Variants in TIAM2 observed in about 807,000 individuals in gnomAD.
The protein encoded by TIAM2 is rho guanine nucleotide exchange factor TIAM2.
A neutral mutation model predicts 152.9 loss-of-function variants in TIAM2; 80 were observed. The ratio of observed to expected loss-of-function variants is 0.52; its 90% confidence interval spans 0.44 to 0.63. The LOEUF is 0.63. Ranked by LOEUF, TIAM2 falls within the 30% of genes least tolerant of loss-of-function variation. TIAM2 has a pLI of 0.00. For synonymous variants in TIAM2, 804 were observed against 838.0 expected (o/e 0.96, Z 0.70); for missense variants, 1,965 against 2,120.1 (o/e 0.93, Z 1.44).
intron 1 of TIAM2, among the ~76,000 whole-genome samples, chr6:155,042,475 C>A (rs534083433): frequency 3.0e-4 from 45 of 152,106 alleles, no homozygotes; most frequent in Non-Finnish European, 5.4e-4. Context: ...ACCTGTAGTC[C>A]CAGCTTACTC....
chr6:155,199,401 C>A (rs1463614300), intron 14 of TIAM2, among the ~76,000 whole-genome samples: 1 of 152,116 alleles, frequency 6.6e-6, no homozygotes, highest in Non-Finnish European at 1.5e-5. Context: ...TTCTATATCA[C>A]CAGTATAGGC....
At chr6:155,119,359 T>C (rs1423957877) in intron 2 of TIAM2, among the ~76,000 whole-genome samples, 1 of 151,550 alleles carries the variant, frequency 6.6e-6, no homozygotes, top group African/African-American at 2.4e-5. Context: ...CTTTTTTTTT[T>C]GAGTGAGAAT....
chr6:155,210,161 G>A (rs559936711), intron 14 of TIAM2, among the ~76,000 whole-genome samples: 70 of 152,244 alleles, frequency 4.6e-4, no homozygotes, highest in African/African-American at 1.7e-3. Context: ...GATGGGATGT[G>A]TGCTTCCAGT....
chr6:155,069,503 A>G (rs1206700554), intron 1 of TIAM2, among the ~76,000 whole-genome samples: 4 of 152,200 alleles, frequency 2.6e-5, no homozygotes, highest in Non-Finnish European at 4.4e-5. Flanking sequence ...TTCTATAAAG[A>G]TTCTATAAAG....
At chr6:155,118,971 G>A (rs1420847542) in intron 2 of TIAM2, among the ~76,000 whole-genome samples, 2 of 150,266 alleles carry the variant, frequency 1.3e-5, no homozygotes, top group African/African-American at 2.4e-5. Context: ...AAAAAATCTT[G>A]TACTTACTGT....
Position 155,199,163 on chromosome 6 carries a change from C to T in TIAM2, c.3065-12041C>T, listed in dbSNP as rs538517041. ...CGATCTCGGTTCACTGCAACCTCTG[C>T]CTCCCAGGTTCAAGCGATTCTCCTG... On this transcript the variant is annotated intron_variant, in intron 14 of 26. Coordinates refer to ENST00000682666, the MANE Select transcript of TIAM2 (RefSeq NM_012454.4). Among the ~76,000 whole-genome samples the T allele has an allele frequency of 2.3e-3, 356 of 152,150 alleles. 1 individual carries two copies. Among genetic ancestry groups the T allele is most frequent in the African/African-American group, 8.3e-3 (346 of 41,502 alleles).
chr6:155,185,469 C>G (rs937239030), intron 14 of TIAM2, among the ~76,000 whole-genome samples: 1 of 151,244 alleles, frequency 6.6e-6, no homozygotes, highest in Non-Finnish European at 1.5e-5. Context: ...TAGTAAGGAT[C>G]AAGCAGGTGA....
intron 1 of TIAM2, among the ~76,000 whole-genome samples, chr6:155,042,277 G>GCA (rs1349344804): frequency 2.0e-5 from 3 of 151,564 alleles, no homozygotes; most frequent in African/African-American, 4.9e-5. Context: ...GGCTTGGTAA[G>GCA]TTTGGCCTAT....
chr6:155,082,076 G>A (rs994816024), intron 1 of TIAM2, among the ~76,000 whole-genome samples: 11 of 152,126 alleles, frequency 7.2e-5, no homozygotes, highest in Admixed American at 1.3e-4. Context: ...AGGCGCAGTC[G>A]CTTACACCTG....
chr6:155,096,203 CT>C, intron 2 of TIAM2, among the ~76,000 whole-genome samples: 1 of 152,146 alleles, frequency 6.6e-6, no homozygotes, highest in Admixed American at 6.5e-5. Context: ...TAAAGAAAAA[CT>C]TTTTAAAAAT....
At chr6:155,116,934 G>A (rs748972691) in intron 2 of TIAM2, among the ~76,000 whole-genome samples, 8 of 151,780 alleles carry the variant, frequency 5.3e-5, no homozygotes, top group Non-Finnish European at 1.0e-4. Flanking sequence ...CTTTGTTCTG[G>A]TAGTCACCAG....
chr6:155,103,613 A>G (rs1778596401), intron 2 of TIAM2, among the ~76,000 whole-genome samples: 1 of 150,248 alleles, frequency 6.7e-6, no homozygotes, highest in African/African-American at 2.5e-5. Context: ...GATCCCAGCT[A>G]CTCGGGAGGC....
At chr6:155,200,221 G>A (rs527415849) in intron 14 of TIAM2, among the ~76,000 whole-genome samples, 3 of 152,306 alleles carry the variant, frequency 2.0e-5, no homozygotes, top group African/African-American at 7.2e-5. Context: ...GAAAGGTCTT[G>A]TGATCATCTG....
At chr6:155,142,082 C>T (rs1000821815) in intron 5 of TIAM2, among the ~76,000 whole-genome samples, 3 of 151,890 alleles carry the variant, frequency 2.0e-5, no homozygotes, top group African/African-American at 7.3e-5. Context: ...CCCCCAGCAT[C>T]GGGGTGAACG....
chr6:155,068,993 A>T (rs1333708307), intron 1 of TIAM2, among the ~76,000 whole-genome samples: 1 of 152,026 alleles, frequency 6.6e-6, no homozygotes, highest in East Asian at 1.9e-4. Flanking sequence ...ATCACAGCTC[A>T]CTGCAGCCTT....
At chr6:155,029,481 T>TATTATATATA (rs1466950397) in intron 1 of TIAM2, among the ~76,000 whole-genome samples, 127 of 3,758 alleles carry the variant, frequency 0.034, 13 homozygotes, top group African/African-American at 0.07. Flanking sequence ...CTATAGTATA[T>TATTATATATA]ATACTATAGT....
chr6:155,052,773 CAAA>C (rs10545743), intron 1 of TIAM2, among the ~76,000 whole-genome samples: 113 of 116,998 alleles, frequency 9.7e-4, no homozygotes, highest in Admixed American at 9.0e-4. Flanking sequence ...AACTCCATCT[CAAA>C]AAAAAAAAAA....
chr6:155,012,462 C>T (rs1309974591), intron 1 of TIAM2, among the ~76,000 whole-genome samples: 1 of 152,110 alleles, frequency 6.6e-6, no homozygotes, highest in Non-Finnish European at 1.5e-5. Flanking sequence ...CTTACCAAAC[C>T]CCATTAATTC....
chr6:155,047,706 C>CGA (rs1562300223), intron 1 of TIAM2, among the ~76,000 whole-genome samples: 7 of 41,206 alleles, frequency 1.7e-4, no homozygotes, highest in African/African-American at 3.1e-4. Flanking sequence ...AGAGAGAGAG[C>CGA]GAGAGAGAGA....
Sources: gnomAD v4.1 joint callset for allele counts (sites outside exome capture counted in the v4.1 genomes callset) on GRCh38, gnomAD v4.1.1 for gene constraint, MANE v1.5 for transcripts, NCBI Gene and HGNC (gene_info 2026-07-23, HGNC 2026-07-21) for gene names.